The following OR6C75 variants were observed in gnomAD, a reference collection of about 807,000 sequenced individuals.
The protein encoded by OR6C75 is olfactory receptor family 6 subfamily C member 75.
For synonymous variants in OR6C75, 149 were observed against 130.6 expected (o/e 1.14, Z -0.96); for missense variants, 380 against 368.0 (o/e 1.03, Z -0.27).
Position 55,365,018 on chromosome 12 carries a change from AAAT to A in OR6C75, c.-86_-84del. On this transcript the variant is annotated 5_prime_UTR_variant, in exon 3 of 3. Transcript: ENST00000641576. ...AAATGGAAAGAGCCAGACAGAAAAA[AAAT>A]AATAATTTTCTTTACTGGTGTCATA... The A allele has an allele frequency of 1.2e-6, 1 of 840,032 alleles. No homozygotes were observed. Among genetic ancestry groups the A allele is most frequent in the African/African-American group, 1.7e-5 (1 of 58,332 alleles). The allele number at this position is 840,032 out of a possible 1,614,324, so 52.0% of individuals were successfully genotyped here. A position where few individuals can be genotyped will look rare whatever the true frequency, so the allele number is the denominator to read the frequency against.
chr12:55,365,227 G>C lies in OR6C75; in HGVS notation c.117G>C (p.Gly39=). ...LLVTYMLSVT[G]NLIIITLTLS... ...TTACCTACATGTTAAGTGTGACTGG[G>C]AACCTGATCATTATCACCCTCACCC... The change falls in exon 3 of 3, where the codon GGG becomes GGC. Residue 39 remains glycine, a synonymous_variant. Coordinates refer to ENST00000641576, the MANE Select transcript of OR6C75 (RefSeq NM_001005497.2). The C allele has an allele frequency of 1.2e-6, 2 of 1,612,538 alleles. No homozygotes were observed. The highest frequency in any genetic ancestry group is 1.1e-5 in the South Asian group (1 of 90,754).
chr12:55,364,925 A>G lies in OR6C75; in HGVS notation c.-186A>G. The G allele has an allele frequency of 1.7e-6, 1 of 575,630 alleles. No homozygotes were observed. Among genetic ancestry groups the G allele is most frequent in the Non-Finnish European group, 3.0e-6 (1 of 330,096 alleles). 35.7% of individuals were successfully genotyped at this position (575,630 alleles called of 1,614,324 possible). On this transcript the variant is annotated 5_prime_UTR_variant, in exon 3 of 3. Transcript: ENST00000641576. ...ACACAATGGAATGTTATCCAGCCTCATAAAAGAAGGAGATACTGCCACACT... is the reference window on the plus strand; with the variant it reads ...ACACAATGGAATGTTATCCAGCCTCGTAAAAGAAGGAGATACTGCCACACT...
intron 2 of OR6C75, among the ~76,000 whole-genome samples, chr12:55,364,163 T>A (rs1337309544): frequency 6.6e-6 from 1 of 151,088 alleles, no homozygotes; most frequent in Admixed American, 6.6e-5. Context: ...GTATTTTTAG[T>A]AGAGACGGGG....
In OR6C75 at chr12:55,365,887, G is replaced by C; in HGVS notation, c.777G>C (p.Lys259Asn). The change falls in exon 3 of 3, where the codon AAG becomes AAC. Residue 259 changes from lysine to asparagine, a missense_variant. Lys to Asn is a moderately conservative substitution (Grantham distance 94). Coordinates refer to ENST00000641576, the MANE Select transcript of OR6C75 (RefSeq NM_001005497.2). ...SYSSCIFMYI[K>N]TSARERVTLS... ...GTAGCTGTATCTTCATGTACATTAAGACTTCTGCCAGAGAAAGGGTGACTT... is the reference window on the plus strand; with the variant it reads ...GTAGCTGTATCTTCATGTACATTAACACTTCTGCCAGAGAAAGGGTGACTT... 6.2e-7 allele frequency: 1 copy of C among 1,613,932 alleles called. No homozygotes were observed. Among genetic ancestry groups the C allele is most frequent in the Non-Finnish European group, 8.5e-7 (1 of 1,179,994 alleles).
Position 55,365,287 on chromosome 12 carries a change from C to T in OR6C75, c.177C>T (p.Phe59=), listed in dbSNP as rs1004203205. 1.2e-6 allele frequency: 2 copies of T among 1,613,754 alleles called. No homozygotes were observed. Among genetic ancestry groups the T allele is most frequent in the Non-Finnish European group, 1.7e-6 (2 of 1,179,918 alleles). The change falls in exon 3 of 3, where the codon TTC becomes TTT. Residue 59 remains phenylalanine, a synonymous_variant. Transcript: ENST00000641576. ...CCCATCTGCAGACTCCCATGTATTT[C>T]TTCCTTCGGAACTTCTCATTCCTGG... ...SDPHLQTPMY[F]FLRNFSFLEI...
chr12:55,365,932 G>A lies in OR6C75; in HGVS notation c.822G>A (p.Val274=). Residue 274 remains valine (V), a synonymous_variant, in exon 3 of 3, where the codon GTG becomes GTA. Transcript: ENST00000641576. ...TGACTTTAAGCAAAGGAGTAGCTGT[G>A]CTCAATACCTCAGTGGCTCCTCTCT... is the stretch of plus-strand genomic sequence containing the variant. ...ERVTLSKGVA[V]LNTSVAPLLN... is the part of the protein sequence containing the mutation. The A allele has an allele frequency of 6.2e-7, 1 of 1,613,728 alleles. No individual in the cohort carries two copies. The highest frequency in any genetic ancestry group is 2.2e-5 in the East Asian group (1 of 44,862).
chr12:55,363,160 T>C (rs1277620320), intron 1 of OR6C75, 111 bp downstream of exon 1: 1 of 152,156 alleles, frequency 6.6e-6, no homozygotes, highest in Non-Finnish European at 1.5e-5. Flanking sequence ...GAAATTGTTC[T>C]TTATTATCAA....
rs1365684133 is a variant in OR6C75, at chr12:55,363,850, A to G, written c.-268A>G. On this transcript the variant is annotated 5_prime_UTR_variant, in exon 2 of 3. The change abolishes an upstream ATG in the 5' untranslated region. Transcript: ENST00000641576. ...GTATTCTGAAATATATAAAAATATA[A>G]TGAAGGAAATACAGAAATAATTGAT... 6.6e-6 allele frequency: 1 copy of G among 152,172 alleles called. No individual in the cohort carries two copies. The highest frequency in any genetic ancestry group is 1.9e-4 in the East Asian group (1 of 5,208). The allele number at this position is 152,172 out of a possible 1,614,324, so 9.4% of individuals were successfully genotyped here.
rs1402942470 is a variant in OR6C75 at position 55,365,075 on chromosome 12, G to T, written c.-36G>T. On this transcript the variant is annotated 5_prime_UTR_variant, in exon 3 of 3. Transcript: ENST00000641576. ...TTCTGGTTTCTTCACCTATTTTACA[G>T]CGAAAATACAGAATACTTTTCTAAA... 2 of 1,436,680 alleles carry T rather than the reference G, an allele frequency of 1.4e-6. No homozygotes were observed. Among genetic ancestry groups the T allele is most frequent in the Non-Finnish European group, 9.6e-7 (1 of 1,043,194 alleles). 89.0% of individuals were successfully genotyped at this position (1,436,680 alleles called of 1,614,324 possible). A position where few individuals can be genotyped will look rare whatever the true frequency, so the allele number is the denominator to read the frequency against.
In OR6C75 at chr12:55,368,865, G is replaced by A. The variant is rs1869862502; in HGVS notation, c.*2816G>A. The A allele has an allele frequency of 6.6e-6, 1 of 151,914 alleles. No homozygotes were observed. Among genetic ancestry groups the A allele is most frequent in the African/African-American group, 2.4e-5 (1 of 41,360 alleles). The allele number at this position is 151,914 out of a possible 1,614,324, so 9.4% of individuals were successfully genotyped here. A position where few individuals can be genotyped will look rare whatever the true frequency, so the allele number is the denominator to read the frequency against. ...TCTTACCATTGTGTTTTATGGAATG[G>A]CATACTTTTTTTTAAAACAGATTAT... On this transcript the variant is annotated 3_prime_UTR_variant, in exon 3 of 3. Coordinates refer to ENST00000641576, the MANE Select transcript of OR6C75 (RefSeq NM_001005497.2).
In OR6C75 at chr12:55,367,372, A is replaced by G. The variant is rs961321532; in HGVS notation, c.*1323A>G. On this transcript the variant is annotated 3_prime_UTR_variant, in exon 3 of 3. Transcript: ENST00000641576. ...ATACACGAATCAATAAATGTGATTCACCACATAAACAGAACTAAAAACAAA... is the reference window on the plus strand; with the variant it reads ...ATACACGAATCAATAAATGTGATTCGCCACATAAACAGAACTAAAAACAAA... The G allele has an allele frequency of 6.6e-6, 1 of 152,228 alleles. No individual in the cohort carries two copies. The highest frequency in any genetic ancestry group is 6.5e-5 in the Admixed American group (1 of 15,276). 9.4% of individuals were successfully genotyped at this position (152,228 alleles called of 1,614,324 possible). A position where few individuals can be genotyped will look rare whatever the true frequency, so the allele number is the denominator to read the frequency against.
intron 2 of OR6C75, among the ~76,000 whole-genome samples, chr12:55,364,239 A>T (rs1869735932): frequency 6.7e-6 from 1 of 149,422 alleles, no homozygotes; most frequent in Non-Finnish European, 1.5e-5. Flanking sequence ...CAGCCCCCCA[A>T]AGTGCTGGGA....
intron 2 of OR6C75, among the ~76,000 whole-genome samples, chr12:55,364,651 T>C (rs1869749289): frequency 6.6e-6 from 1 of 152,024 alleles, no homozygotes. Flanking sequence ...TTGTGTATAT[T>C]TAAGGTATAT....
At position 55,365,149 on chromosome 12, in the gene OR6C75, T is replaced by C; in HGVS notation, c.39T>C (p.Leu13=). 1 of 1,612,982 alleles carries C rather than the reference T, an allele frequency of 6.2e-7. No individual in the cohort carries two copies. ...NSTAVTDFIL[L]GLTSDPQWQV... Reference sequence around the variant, plus strand: ...CAGCAGTAACAGACTTTATTCTTCTTGGATTGACAAGTGACCCACAGTGGC... The same window carrying C: ...CAGCAGTAACAGACTTTATTCTTCTCGGATTGACAAGTGACCCACAGTGGC... The change falls in exon 3 of 3, where the codon CTT becomes CTC. Residue 13 remains leucine, a synonymous_variant. Transcript: ENST00000641576.
rs200647431 is a variant in OR6C75 at position 55,364,852 on chromosome 12, A to AATAT, written c.-235-15_-235-12dup. On this transcript the variant is annotated intron_variant, in intron 2 of 2. Coordinates refer to ENST00000641576, the MANE Select transcript of OR6C75 (RefSeq NM_001005497.2). ...AAGTTTAAACCCTTTGAAGATATTG[A>AATAT]ATATATATATATGTATTAAATAGAT... 115 of 358,994 alleles carry AATAT rather than the reference A, an allele frequency of 3.2e-4. 1 individual carries two copies. Among genetic ancestry groups the AATAT allele is most frequent in the African/African-American group, 2.2e-3 (105 of 46,740 alleles). The allele number at this position is 358,994 out of a possible 1,614,324, so 22.2% of individuals were successfully genotyped here.
rs1412354945 is a variant in OR6C75, at chr12:55,367,217, C to G, written c.*1168C>G. On this transcript the variant is annotated 3_prime_UTR_variant, in exon 3 of 3. Transcript: ENST00000641576. Reference sequence around the variant, plus strand: ...GTAAAAAATGTGTTCAAGCCCACTTCCTATAGTTAATGAGTCCCTCAACTC... The same window carrying G: ...GTAAAAAATGTGTTCAAGCCCACTTGCTATAGTTAATGAGTCCCTCAACTC... The G allele has an allele frequency of 3.3e-5, 5 of 152,126 alleles. No individual in the cohort carries two copies. Among genetic ancestry groups the G allele is most frequent in the Non-Finnish European group, 7.4e-5 (5 of 68,022 alleles). The allele number at this position is 152,126 out of a possible 1,614,324, so 9.4% of individuals were successfully genotyped here. A position where few individuals can be genotyped will look rare whatever the true frequency, so the allele number is the denominator to read the frequency against.
In OR6C75 at chr12:55,365,126, G is replaced by A; in HGVS notation, c.16G>A (p.Ala6Thr). ...GAAAAAAATAATGAGAAATTCCACAGCAGTAACAGACTTTATTCTTCTTGG... is the reference window on the plus strand; with the variant it reads ...GAAAAAAATAATGAGAAATTCCACAACAGTAACAGACTTTATTCTTCTTGG... MRNST[A>T]VTDFILLGLT... Residue 6 changes from alanine (A) to threonine (T), a missense_variant, in exon 3 of 3, where the codon GCA (alanine) becomes ACA (threonine). By Grantham distance (58) the Ala-to-Thr change is moderately conservative. Coordinates refer to ENST00000641576, the MANE Select transcript of OR6C75 (RefSeq NM_001005497.2). 1 of 1,608,768 alleles carries A rather than the reference G, an allele frequency of 6.2e-7. No homozygotes were observed. Among genetic ancestry groups the A allele is most frequent in the South Asian group, 1.1e-5 (1 of 90,236 alleles).
intron 1 of OR6C75, among the ~76,000 whole-genome samples, chr12:55,363,412 G>A (rs6581036): frequency 6.6e-6 from 1 of 151,948 alleles, no homozygotes; most frequent in East Asian, 1.9e-4. Flanking sequence ...TAAAATTAAA[G>A]CACACAATTT....
At position 55,369,109 on chromosome 12, in the gene OR6C75, A is replaced by ATG. The variant is rs1310728448; in HGVS notation, c.*3060_*3061insTG. The stretch of plus-strand genomic sequence containing the variant: ...GAAGATAAAGTATATATACATATAC[A>ATG]ACTACATGATAGATAGATAGATAAA... On this transcript the variant is annotated 3_prime_UTR_variant, in exon 3 of 3. Coordinates refer to ENST00000641576, the MANE Select transcript of OR6C75 (RefSeq NM_001005497.2). 131 of 99,044 alleles carry ATG rather than the reference A, an allele frequency of 1.3e-3. No homozygotes were observed. Among genetic ancestry groups the ATG allele is most frequent in the African/African-American group, 4.1e-3 (127 of 30,766 alleles). The allele number at this position is 99,044 out of a possible 1,614,324, so 6.1% of individuals were successfully genotyped here.
Sources: allele counts gnomAD v4.1 joint callset (sites outside exome capture counted in the v4.1 genomes callset), GRCh38; gene constraint gnomAD v4.1.1; transcripts MANE v1.5; gene names NCBI Gene and HGNC (gene_info 2026-07-23, HGNC 2026-07-21).